Variants in SPOCK1 observed in about 807,000 individuals in gnomAD.
The protein encoded by SPOCK1 is testican-1.
In SPOCK1, 23 loss-of-function variants were observed where a neutral mutation model predicts 55.3. The ratio of observed to expected loss-of-function variants is 0.42; its 90% confidence interval spans 0.30 to 0.59. The LOEUF is 0.59. Ranked by LOEUF, SPOCK1 falls within the 20% of genes least tolerant of loss-of-function variation. The pLI, the probability that SPOCK1 is intolerant of heterozygous loss-of-function variation, is 0.22. For missense variants in SPOCK1, 499 were observed against 552.5 expected (o/e 0.90, Z 0.97); for synonymous variants, 226 against 221.0 (o/e 1.02, Z -0.20).
rs1376895695 is a variant in SPOCK1 at position 137,227,193 on chromosome 5, C to T, written c.232+39817G>A. ...GTGAACTACAGTACTTTTCCCTTAG[C>T]TTCAAGGCAGTGGAGAAGGATGCTT... On this transcript the variant is annotated intron_variant, in intron 3 of 10. Transcript: ENST00000394945. 2.0e-5 allele frequency among the ~76,000 whole-genome samples: 3 copies of T among 152,304 alleles called. No homozygotes were observed. In the East Asian group the frequency reaches 5.8e-4, roughly 29 times the overall value.
chr5:137,468,185 A>G (rs527800061), intron 2 of SPOCK1, among the ~76,000 whole-genome samples: 2 of 152,324 alleles, frequency 1.3e-5, no homozygotes, highest in African/African-American at 2.4e-5. Context: ...TTTAAACTCA[A>G]TCAATTTTTA....
At chr5:137,038,576 CA>C (rs1409854338) in intron 6 of SPOCK1, among the ~76,000 whole-genome samples, 1 of 152,134 alleles carries the variant, frequency 6.6e-6, no homozygotes, top group Non-Finnish European at 1.5e-5. Flanking sequence ...AGAACAACAA[CA>C]AAAAATTGGT....
At chr5:137,112,371 G>A (rs1165975269) in intron 5 of SPOCK1, 64 bp downstream of exon 5, 4 of 1,574,926 alleles carry the variant, frequency 2.5e-6, no homozygotes, top group African/African-American at 1.4e-5. Flanking sequence ...TTTTGGCATA[G>A]AGAAGTGTTA....
chr5:137,375,251 G>A (rs1156957267), intron 2 of SPOCK1, among the ~76,000 whole-genome samples: 1 of 152,092 alleles, frequency 6.6e-6, no homozygotes, highest in East Asian at 1.9e-4. Context: ...ACACAGCAAT[G>A]ACAAACAACG....
chr5:137,410,756 T>C (rs1752193471), intron 2 of SPOCK1, among the ~76,000 whole-genome samples: 1 of 152,100 alleles, frequency 6.6e-6, no homozygotes, highest in Non-Finnish European at 1.5e-5. Context: ...AGCTCTCCAA[T>C]GGACACCACC....
chr5:137,164,953 C>T (rs1754619611), intron 3 of SPOCK1, among the ~76,000 whole-genome samples: 1 of 152,140 alleles, frequency 6.6e-6, no homozygotes, highest in South Asian at 2.1e-4. Context: ...CCCTGGCTCC[C>T]AGATGGCACC....
intron 6 of SPOCK1, among the ~76,000 whole-genome samples, chr5:137,003,272 G>A (rs990135859): frequency 2.6e-5 from 4 of 152,112 alleles, no homozygotes; most frequent in Non-Finnish European, 5.9e-5. Flanking sequence ...GGTGGCACAC[G>A]CCTGTAATCC....
intron 2 of SPOCK1, among the ~76,000 whole-genome samples, chr5:137,337,157 G>T (rs1029063354): frequency 6.6e-6 from 1 of 152,184 alleles, no homozygotes; most frequent in African/African-American, 2.4e-5. Context: ...TCTAGGCACA[G>T]GCTCAAGAAG....
chr5:137,343,285 A>G (rs1414713903), intron 2 of SPOCK1, among the ~76,000 whole-genome samples: 3 of 152,206 alleles, frequency 2.0e-5, no homozygotes, highest in African/African-American at 4.8e-5. Context: ...GTCAAAAACC[A>G]TATATCATTT....
chr5:137,239,760 C>T (rs576496501), intron 3 of SPOCK1, among the ~76,000 whole-genome samples: 10 of 151,838 alleles, frequency 6.6e-5, no homozygotes, highest in East Asian at 1.9e-4. Flanking sequence ...AAATCAAGAT[C>T]AAAATAAGAC....
chr5:137,420,466 A>G (rs565439346), intron 2 of SPOCK1, among the ~76,000 whole-genome samples: 35 of 152,244 alleles, frequency 2.3e-4, no homozygotes, highest in Admixed American at 2.0e-3. Flanking sequence ...TTATTGCCTC[A>G]ATTTCAGAGC....
intron 6 of SPOCK1, among the ~76,000 whole-genome samples, chr5:137,053,322 C>T (rs1047725395): frequency 2.6e-4 from 40 of 152,040 alleles, no homozygotes; most frequent in Admixed American, 1.4e-3. Context: ...TAGAGGCCAA[C>T]TTGCATCAGA....
intron 2 of SPOCK1, among the ~76,000 whole-genome samples, chr5:137,358,478 G>GGGAGA (rs1750869783): frequency 6.9e-6 from 1 of 145,240 alleles, no homozygotes; most frequent in Non-Finnish European, 1.5e-5. Flanking sequence ...GGGAGGGGAG[G>GGGAGA]GGAGGATGGA....
intron 5 of SPOCK1, among the ~76,000 whole-genome samples, chr5:137,095,921 C>T (rs1202765155): frequency 6.6e-6 from 1 of 151,600 alleles, no homozygotes; most frequent in Non-Finnish European, 1.5e-5. Context: ...CCTCAGGAAC[C>T]CTCATTCCCT....
rs1448325835 is a variant in SPOCK1 at position 137,496,730 on chromosome 5, A to T, written c.186+1643T>A. 3.3e-5 allele frequency among the ~76,000 whole-genome samples: 5 copies of T among 152,326 alleles called. No individual in the cohort carries two copies. In the East Asian group the frequency reaches 9.6e-4, roughly 29 times the overall value. On this transcript the variant is annotated intron_variant, in intron 2 of 10. Coordinates refer to ENST00000394945, the MANE Select transcript of SPOCK1 (RefSeq NM_004598.4). Reference sequence around the variant, plus strand: ...AGCCATAGGGAAAGGTAATCAATGAAGGATTCTCAGATCTAAGCAGTTAAC... The same window carrying T: ...AGCCATAGGGAAAGGTAATCAATGATGGATTCTCAGATCTAAGCAGTTAAC...
intron 3 of SPOCK1, among the ~76,000 whole-genome samples, chr5:137,158,390 C>G (rs781353895): frequency 6.6e-6 from 1 of 152,270 alleles, no homozygotes; most frequent in South Asian, 2.1e-4. Flanking sequence ...AATTGAGTCA[C>G]GTTCTGTTGC....
Position 137,377,881 on chromosome 5 carries a change from G to A in SPOCK1, c.187-110826C>T, listed in dbSNP as rs1018794163. The stretch of plus-strand genomic sequence containing the variant: ...ATCAGACAAGGTCTAAAAGAAATCA[G>A]GCAAGCCTAAATGCAAAGCAGGAGA... On this transcript the variant is annotated intron_variant, in intron 2 of 10. Coordinates refer to ENST00000394945, the MANE Select transcript of SPOCK1 (RefSeq NM_004598.4). Among the ~76,000 whole-genome samples, 5 of 151,130 alleles carry A rather than the reference G, an allele frequency of 3.3e-5. No individual in the cohort carries two copies. In the Middle Eastern group the frequency reaches 0.017, roughly 528 times the overall value.
At position 137,133,959 on chromosome 5, in the gene SPOCK1, G is replaced by C. The variant is rs867717941; in HGVS notation, c.347+6621C>G. 4.6e-5 allele frequency among the ~76,000 whole-genome samples: 7 copies of C among 150,620 alleles called. No homozygotes were observed. The East Asian group carries it at 1.2e-3, about 25-fold the overall frequency. On this transcript the variant is annotated intron_variant, in intron 4 of 10. Coordinates refer to ENST00000394945, the MANE Select transcript of SPOCK1 (RefSeq NM_004598.4). ...GGCCAGGAGCAGATGGGCTGGGGGTGGGGGGGGTAGCGGGGGGTGGCAGTT... is the reference window on the plus strand; with the variant it reads ...GGCCAGGAGCAGATGGGCTGGGGGTCGGGGGGGTAGCGGGGGGTGGCAGTT...
rs140373312 is a variant in SPOCK1 at position 137,076,143 on chromosome 5, GCTCTCAGTGAAGGC to G, written c.475-8328_475-8315del. Among the ~76,000 whole-genome samples, 451 of 152,228 alleles carry G rather than the reference GCTCTCAGTGAAGGC, an allele frequency of 3.0e-3. 3 individuals are homozygous for G. Among genetic ancestry groups the G allele is most frequent in the Non-Finnish European group, 5.1e-3 (348 of 68,016 alleles). ...GCAGCAGAGAGCCCAGACCCGAAGGGCTCTCAGTGAAGGCCCACAGTTGGGCCAGCTGCAGCCCT... is the reference window on the plus strand; with the variant it reads ...GCAGCAGAGAGCCCAGACCCGAAGGGCCACAGTTGGGCCAGCTGCAGCCCT... On this transcript the variant is annotated intron_variant, in intron 5 of 10. Transcript: ENST00000394945.
Sources: allele counts gnomAD v4.1 joint callset (sites outside exome capture counted in the v4.1 genomes callset), GRCh38; gene constraint gnomAD v4.1.1; transcripts MANE v1.5; gene names NCBI Gene and HGNC (gene_info 2026-07-23, HGNC 2026-07-21).